Variants in AKAP10 observed in about 807,000 individuals in gnomAD.
The protein encoded by AKAP10 is A-kinase anchoring protein 10, also known as A-kinase anchor protein 10, mitochondrial.
AKAP10 carries 24 observed loss-of-function variants against 80.8 expected under a neutral mutation model. The observed-to-expected ratio is 0.30, with a 90% confidence interval of 0.22 to 0.42. The LOEUF is 0.42. Among genes scored for constraint, AKAP10 ranks in the 10% least tolerant of loss-of-function variants. The probability of loss-of-function intolerance (pLI) is 1.00; values close to 1 mark genes in which losing one functional copy is unlikely to be tolerated. For synonymous variants in AKAP10, 291 were observed against 277.7 expected (o/e 1.05, Z -0.48); for missense variants, 661 against 794.9 (o/e 0.83, Z 2.03).
chr17:19,924,353 A>C, intron 11 of AKAP10, 55 bp downstream of exon 11: 1 of 1,259,636 alleles, frequency 7.9e-7, no homozygotes, highest in Non-Finnish European at 1.1e-6. Context: ...TAAAAAATTT[A>C]AAAGATGCAA....
At chr17:19,955,568 A>G (rs2043265953) in intron 4 of AKAP10, among the ~76,000 whole-genome samples, 1 of 152,182 alleles carries the variant, frequency 6.6e-6, no homozygotes, top group Non-Finnish European at 1.5e-5. Context: ...ATGTATTACA[A>G]TTACAGAAAC....
chr17:19,965,851 T>C (rs2043410418), intron 2 of AKAP10, among the ~76,000 whole-genome samples: 1 of 151,932 alleles, frequency 6.6e-6, no homozygotes, highest in South Asian at 2.1e-4. Context: ...AGTTTCTCTA[T>C]GTACCTTTTT....
In AKAP10 at chr17:19,962,992, C is replaced by CT. The variant is rs2043371739; in HGVS notation, c.166dup (p.Ser56LysfsTer3). The stretch of plus-strand genomic sequence containing the variant: ...CTCCAGCAAGGCATGATTTTTAGTG[C>CT]TTTTTTGTGGGGAATGTACGGATAT... On this transcript the variant is annotated frameshift_variant, in exon 3 of 15. Transcript: ENST00000225737. LOFTEE classifies it high-confidence loss of function. 1.2e-6 allele frequency: 2 copies of CT among 1,612,660 alleles called. No homozygotes were observed. The highest frequency in any genetic ancestry group is 3.3e-5 in the Admixed American group (2 of 59,930).
intron 3 of AKAP10, among the ~76,000 whole-genome samples, chr17:19,959,370 G>A (rs530904737): frequency 1.3e-5 from 2 of 152,264 alleles, no homozygotes; most frequent in East Asian, 3.9e-4. Flanking sequence ...TGGTCATGAG[G>A]ATGTAAACTG....
intron 12 of AKAP10, among the ~76,000 whole-genome samples, chr17:19,911,650 A>G (rs1014253531): frequency 4.6e-5 from 7 of 151,646 alleles, no homozygotes; most frequent in Non-Finnish European, 8.8e-5. Flanking sequence ...ACCAGCCACA[A>G]CATGGAGAAA....
In AKAP10 at chr17:19,931,929, T is replaced by C; in HGVS notation, c.1517A>G (p.Asn506Ser). 3 of 1,614,020 alleles carry C rather than the reference T, an allele frequency of 1.9e-6. No individual in the cohort carries two copies. The highest frequency in any genetic ancestry group is 2.5e-6 in the Non-Finnish European group (3 of 1,180,004). ...LSSNLYYKYLNDLIHSVRGDE... is the reference protein window; with the variant it reads ...LSSNLYYKYLSDLIHSVRGDE... ...TCCTCGAACCGAATGGATGAGATCA[T>C]TCAAATATTTATAATAAAGATTGCT... Residue 506 changes from asparagine to serine, a missense_variant, in exon 10 of 15, where the codon AAT becomes AGT. Coordinates refer to ENST00000225737, the MANE Select transcript of AKAP10 (RefSeq NM_007202.4).
intron 12 of AKAP10, among the ~76,000 whole-genome samples, chr17:19,916,151 G>T (rs374375997): frequency 6.6e-6 from 1 of 152,140 alleles, no homozygotes; most frequent in Non-Finnish European, 1.5e-5. Flanking sequence ...CCCCCGCTGC[G>T]CTCAGGTCTA....
chr17:19,910,325 C>CAAAAAAAAAAAAAAAAAAAAAAAAAA (rs3031068), intron 12 of AKAP10, among the ~76,000 whole-genome samples: 1 of 90,666 alleles, frequency 1.1e-5, no homozygotes, highest in African/African-American at 4.2e-5. Context: ...GACTCCAACT[C>CAAAAAAAAAAAAAAAAAAAAAAAAAA]AAAAAAAAAA....
chr17:19,927,914 A>AG (rs2042891876), intron 10 of AKAP10, among the ~76,000 whole-genome samples: 1 of 151,360 alleles, frequency 6.6e-6, no homozygotes, highest in Non-Finnish European at 1.5e-5. Flanking sequence ...CCTTCTCAAA[A>AG]AAAAAAAGAA....
chr17:19,934,962 A>G lies in AKAP10; in HGVS notation c.1467+1324T>C, dbSNP rs532208213. Among the ~76,000 whole-genome samples the G allele has an allele frequency of 5.9e-5, 9 of 152,350 alleles. No individual in the cohort carries two copies. In the South Asian group the frequency reaches 1.9e-3, roughly 32 times the overall value. On this transcript the variant is annotated intron_variant, in intron 9 of 14. Coordinates refer to ENST00000225737, the MANE Select transcript of AKAP10 (RefSeq NM_007202.4). ...GGGAGGCAGAAGTTGCAGTGTGCCA[A>G]GACTGTGCAACTGCACTCCAGCCTG...
At chr17:19,966,626 T>G (rs922902227) in intron 2 of AKAP10, among the ~76,000 whole-genome samples, 1 of 119,722 alleles carries the variant, frequency 8.4e-6, no homozygotes, top group Non-Finnish European at 1.9e-5. Flanking sequence ...TAAGCACAGA[T>G]TATGTACTTC....
rs902270817 is a variant in AKAP10, at chr17:19,977,737, G to A, written c.-58C>T. 3 of 1,113,220 alleles carry A rather than the reference G, an allele frequency of 2.7e-6. No individual in the cohort carries two copies. The highest frequency in any genetic ancestry group is 3.4e-6 in the Non-Finnish European group (3 of 876,904). The allele number at this position is 1,113,220 out of a possible 1,614,324, so 69.0% of individuals were successfully genotyped here. A position where few individuals can be genotyped will look rare whatever the true frequency, so the allele number is the denominator to read the frequency against. ...GGGCCGCTGCACTAGCGCGAAAAGG[G>A]ACCCTTCTTCCGGGAGTGGGCCCCA... On this transcript the variant is annotated 5_prime_UTR_variant, in exon 1 of 15. Transcript: ENST00000225737.
intron 9 of AKAP10, among the ~76,000 whole-genome samples, chr17:19,935,233 T>C (rs915475186): frequency 3.3e-5 from 5 of 152,124 alleles, no homozygotes; most frequent in African/African-American, 1.2e-4. Flanking sequence ...TTTGTGTATT[T>C]AAACACAAAT....
chr17:19,927,691 A>T (rs2042889492), intron 10 of AKAP10, among the ~76,000 whole-genome samples: 1 of 152,120 alleles, frequency 6.6e-6, no homozygotes, highest in Admixed American at 6.6e-5. Flanking sequence ...CAGGTGGATC[A>T]CCTGAGGTCA....
At chr17:19,927,332 T>C (rs1464551871) in intron 10 of AKAP10, among the ~76,000 whole-genome samples, 1 of 150,892 alleles carries the variant, frequency 6.6e-6, no homozygotes, top group Non-Finnish European at 1.5e-5. Flanking sequence ...AGACCTTATC[T>C]TAAAAAAACA....
At chr17:19,909,124 A>T in intron 14 of AKAP10, 57 bp downstream of exon 14, 2 of 1,475,970 alleles carry the variant, frequency 1.4e-6, no homozygotes, top group Non-Finnish European at 9.2e-7. Flanking sequence ...GTTCTTTTTT[A>T]TTTTTACACC....
In AKAP10 at chr17:19,909,213, G is replaced by A. The variant is rs758251768; in HGVS notation, c.1951C>T (p.Gln651Ter). The change falls in exon 14 of 15, where the codon CAG becomes TAG. Residue 651 changes from glutamine to a stop codon, truncating the protein, a stop_gained. Coordinates refer to ENST00000225737, the MANE Select transcript of AKAP10 (RefSeq NM_007202.4). LOFTEE classifies it high-confidence loss of function. ...MIVSDIMQQAQYDQPLEKSTK... is the reference protein window; with the variant it reads ...MIVSDIMQQA The stretch of plus-strand genomic sequence containing the variant: ...GATTTCTCTAACGGTTGATCATACT[G>A]AGCCTGCTGCATAATGTCACTGACT... The A allele has an allele frequency of 6.2e-7, 1 of 1,613,578 alleles. No homozygotes were observed.
chr17:19,923,557 C>T (rs1375929353), intron 11 of AKAP10, among the ~76,000 whole-genome samples: 2 of 151,846 alleles, frequency 1.3e-5, no homozygotes, highest in African/African-American at 2.4e-5. Context: ...ACAAGAGTCT[C>T]GCTCCACTGC....
At chr17:19,930,168 T>TATCCA (rs1255634411) in intron 10 of AKAP10, among the ~76,000 whole-genome samples, 2 of 152,166 alleles carry the variant, frequency 1.3e-5, no homozygotes, top group African/African-American at 4.8e-5. Context: ...TAGGAAAATT[T>TATCCA]ATCCAAGGCC....
Sources: allele counts gnomAD v4.1 joint callset (sites outside exome capture counted in the v4.1 genomes callset), GRCh38; gene constraint gnomAD v4.1.1; transcripts MANE v1.5; gene names NCBI Gene and HGNC (gene_info 2026-07-23, HGNC 2026-07-21).